The following USP47 variants were observed in gnomAD, a reference collection of about 807,000 sequenced individuals.
USP47 encodes the protein ubiquitin carboxyl-terminal hydrolase 47.
A neutral mutation model predicts 165.1 loss-of-function variants in USP47; 35 were observed. The ratio of observed to expected loss-of-function variants is 0.21; its 90% CI spans 0.16 to 0.28. The LOEUF (loss-of-function observed/expected upper bound fraction) is 0.28. Among genes scored for constraint, USP47 ranks in the 10% least tolerant of loss-of-function variants. The pLI, the probability that USP47 is intolerant of heterozygous loss-of-function variation, is 1.00. For synonymous variants in USP47, 531 were observed against 544.5 expected (o/e 0.98, Z 0.35); for missense variants, 1,277 against 1,607.4 (o/e 0.79, Z 3.52).
At chr11:11,884,880 A>G (rs1239836712) in intron 3 of USP47, among the ~76,000 whole-genome samples, 5 of 152,170 alleles carry the variant, frequency 3.3e-5, no homozygotes, top group Admixed American at 1.3e-4. Flanking sequence ...AAGTGCCACA[A>G]AGATCTCCTG....
At chr11:11,939,273 G>A (rs963853984) in intron 18 of USP47, among the ~76,000 whole-genome samples, 1 of 151,868 alleles carries the variant, frequency 6.6e-6, no homozygotes, top group African/African-American at 2.4e-5. Context: ...CTGGTGTAGT[G>A]GAAATTGTTC....
At chr11:11,851,530 C>G (rs1259274028) in intron 1 of USP47, among the ~76,000 whole-genome samples, 1 of 151,994 alleles carries the variant, frequency 6.6e-6, no homozygotes, top group Non-Finnish European at 1.5e-5. Context: ...TTCCGTATAC[C>G]CTTCATCCAG....
chr11:11,850,701 C>T (rs1257190191), intron 1 of USP47, among the ~76,000 whole-genome samples: 2 of 152,162 alleles, frequency 1.3e-5, no homozygotes, highest in African/African-American at 4.8e-5. Context: ...TCCTTGCAGA[C>T]TCCCAGTCTT....
intron 1 of USP47, among the ~76,000 whole-genome samples, chr11:11,855,046 G>A (rs1848955784): frequency 6.6e-6 from 1 of 151,630 alleles, no homozygotes; most frequent in Non-Finnish European, 1.5e-5. Flanking sequence ...AGTGAGTGGA[G>A]ATTGCATCAC....
At position 11,956,306 on chromosome 11, in the gene USP47, T is replaced by A; in HGVS notation, c.*131T>A. The A allele has an allele frequency of 1.2e-6, 1 of 859,934 alleles. No individual in the cohort carries two copies. Among genetic ancestry groups the A allele is most frequent in the South Asian group, 2.0e-5 (1 of 50,986 alleles). 53.3% of individuals were successfully genotyped at this position (859,934 alleles called of 1,614,324 possible). A position where few individuals can be genotyped will look rare whatever the true frequency, so the allele number is the denominator to read the frequency against. On this transcript the variant is annotated 3_prime_UTR_variant, in exon 28 of 28. Transcript: ENST00000527733. The stretch of plus-strand genomic sequence containing the variant: ...GACACCAGCACTGATTGGACTGCCC[T>A]ACACCAATCAGAAGCTCAGTGCCCA...
Position 11,929,497 on chromosome 11 carries a change from T to C in USP47, c.1450T>C (p.Tyr484His), listed in dbSNP as rs1315346394. 1.9e-6 allele frequency: 3 copies of C among 1,613,386 alleles called. No individual in the cohort carries two copies. Among genetic ancestry groups the C allele is most frequent in the Non-Finnish European group, 2.5e-6 (3 of 1,179,466 alleles). The stretch of plus-strand genomic sequence containing the variant: ...TTCTGGGAGCGCTGCTGGTGGTCAT[T>C]ATTATGCATGTATAAAGTCATTCAG... ...VHSGSAAGGH[Y>H]YACIKSFSDE... Residue 484 changes from tyrosine (Y) to histidine (H), a missense_variant, in exon 12 of 28, where the codon TAT (tyrosine) becomes CAT (histidine). Coordinates refer to ENST00000527733, the MANE Select transcript of USP47 (RefSeq NM_001282659.2).
At chr11:11,917,758 A>T (rs1181560430) in intron 8 of USP47, among the ~76,000 whole-genome samples, 1 of 152,200 alleles carries the variant, frequency 6.6e-6, no homozygotes, top group Non-Finnish European at 1.5e-5. Context: ...AATGTAAAAA[A>T]TAACAAAGGA....
intron 3 of USP47, among the ~76,000 whole-genome samples, chr11:11,891,437 C>T (rs549198072): frequency 6.6e-6 from 1 of 152,314 alleles, no homozygotes; most frequent in South Asian, 2.1e-4. Flanking sequence ...AGTTTTATGA[C>T]ATCATGAGAA....
rs375838732 is a variant in USP47, at chr11:11,948,043, C to A, written c.3190C>A (p.Arg1064=). ...TTTGTCCTCTCACTTCAAGGTCTTT[C>A]GAGTGTATGCCAGCAATCAAGAGTT... ...GVLSSHFKVF[R]VYASNQEFES... is the part of the protein sequence containing the mutation. The change falls in exon 21 of 28, where the codon CGA becomes AGA. Residue 1064 remains arginine (R), a synonymous_variant. Coordinates refer to ENST00000527733, the MANE Select transcript of USP47 (RefSeq NM_001282659.2). 6.2e-7 allele frequency: 1 copy of A among 1,613,650 alleles called. No individual in the cohort carries two copies. The highest frequency in any genetic ancestry group is 1.7e-5 in the Admixed American group (1 of 59,980).
chr11:11,915,447 A>G (rs1325931282), intron 8 of USP47, among the ~76,000 whole-genome samples: 1 of 152,200 alleles, frequency 6.6e-6, no homozygotes, highest in Non-Finnish European at 1.5e-5. Flanking sequence ...ATGAACCTCT[A>G]CAGGTGATAG....
intron 3 of USP47, among the ~76,000 whole-genome samples, chr11:11,885,201 T>C (rs1216545396): frequency 1.3e-5 from 2 of 152,012 alleles, no homozygotes; most frequent in Non-Finnish European, 2.9e-5. Context: ...CTCAGTGCGT[T>C]GTAGAGGACA....
At chr11:11,893,494 T>C (rs888689068) in intron 4 of USP47, among the ~76,000 whole-genome samples, 1 of 152,160 alleles carries the variant, frequency 6.6e-6, no homozygotes, top group East Asian at 1.9e-4. Flanking sequence ...TGGAGTGCAG[T>C]TGTAAGATCA....
chr11:11,931,212 A>G (rs1039801703), intron 14 of USP47, among the ~76,000 whole-genome samples: 1 of 152,164 alleles, frequency 6.6e-6, no homozygotes, highest in South Asian at 2.1e-4. Context: ...CTTTGATTTC[A>G]GTATATTTCC....
chr11:11,948,351 G>T, intron 21 of USP47, 127 bp from the exon 22 acceptor site: 1 of 881,158 alleles, frequency 1.1e-6, no homozygotes, highest in Non-Finnish European at 1.7e-6. Flanking sequence ...GGATTCAGAG[G>T]TAAAAGATAT....
At chr11:11,954,499 A>G (rs939705502) in intron 25 of USP47, among the ~76,000 whole-genome samples, 6 of 152,114 alleles carry the variant, frequency 3.9e-5, no homozygotes, top group Admixed American at 3.3e-4. Context: ...GGAAGTATAC[A>G]GTAGAGCTTT....
intron 4 of USP47, among the ~76,000 whole-genome samples, chr11:11,892,696 G>A (rs889121402): frequency 6.6e-6 from 1 of 151,382 alleles, no homozygotes; most frequent in Non-Finnish European, 1.5e-5. Context: ...GTTGCTTGTA[G>A]TCCCAGCTCC....
intron 1 of USP47, among the ~76,000 whole-genome samples, chr11:11,853,101 T>C (rs921121073): frequency 2.0e-5 from 3 of 152,170 alleles, no homozygotes; most frequent in African/African-American, 7.2e-5. Flanking sequence ...ACTGTAATTT[T>C]TTTTTTGCCA....
intron 27 of USP47, 134 bp from the exon 28 acceptor site, chr11:11,955,867 A>G (rs1257289478): frequency 5.6e-6 from 4 of 712,668 alleles, no homozygotes; most frequent in African/African-American, 5.6e-5. Flanking sequence ...GGGACATCTC[A>G]GTATATAAAA....
Position 11,907,918 on chromosome 11 carries a change from A to G in USP47, c.969+2370A>G, listed in dbSNP as rs147032869. Among the ~76,000 whole-genome samples the G allele has an allele frequency of 4.5e-3, 689 of 152,218 alleles. 4 individuals are homozygous for G. Among genetic ancestry groups the G allele is most frequent in the African/African-American group, 0.016 (655 of 41,548 alleles). ...CGAGACCAGTCTGACAAACATGATG[A>G]AACCTCGTCTCTACTAAAAATTAGC... On this transcript the variant is annotated intron_variant, in intron 8 of 27. Transcript: ENST00000527733.
Sources: allele counts gnomAD v4.1 joint callset (sites outside exome capture counted in the v4.1 genomes callset), GRCh38; gene constraint gnomAD v4.1.1; transcripts MANE v1.5; gene names NCBI Gene and HGNC (gene_info 2026-07-23, HGNC 2026-07-21).